CUBN: variants seen among roughly 807,000 people sequenced by gnomAD.
CUBN encodes cubilin, also known as 460 kDa receptor.
In CUBN, 282 loss-of-function variants were observed where a neutral mutation model predicts 405.3. That is an observed-to-expected ratio of 0.70 (90% confidence interval 0.63 to 0.77). The LOEUF (loss-of-function observed/expected upper bound fraction) is 0.77. Among genes scored for constraint, CUBN ranks in the 30% least tolerant of loss-of-function variants. CUBN has a pLI of 0.00. For missense variants in CUBN, 4,514 were observed against 4,475.2 expected, an observed-to-expected ratio of 1.01 and a Z score of -0.25; for synonymous variants, 1,684 against 1,617.0, an observed-to-expected ratio of 1.04 and a Z score of -0.99.
chr10:16,948,228 C>G (rs1443841995), intron 35 of CUBN, among the ~76,000 whole-genome samples: 1 of 152,100 alleles, frequency 6.6e-6, no homozygotes, highest in Non-Finnish European at 1.5e-5. Context: ...AAAAGAACAC[C>G]AAGTCATCTG....
intron 51 of CUBN, 70 bp downstream of exon 51, chr10:16,903,896 G>T: frequency 9.1e-7 from 1 of 1,100,704 alleles, no homozygotes; most frequent in Non-Finnish European, 1.3e-6. Flanking sequence ...AAATATATAT[G>T]AAATCTTTAT....
intron 32 of CUBN, 64 bp downstream of exon 32, chr10:16,954,325 C>T (rs902478494): frequency 5.1e-6 from 8 of 1,573,712 alleles, no homozygotes; most frequent in South Asian, 1.1e-5. Flanking sequence ...TCTCATTTCA[C>T]TGTTGCACCA....
intron 60 of CUBN, among the ~76,000 whole-genome samples, chr10:16,850,574 C>A (rs944551536): frequency 3.3e-5 from 5 of 152,092 alleles, no homozygotes; most frequent in African/African-American, 1.2e-4. Context: ...CGGGTTCAAG[C>A]GATTCTCCTG....
At chr10:16,877,694 T>G (rs77328583) in intron 56 of CUBN, among the ~76,000 whole-genome samples, 2,286 of 152,332 alleles carry the variant, frequency 0.015, 51 homozygotes, top group African/African-American at 0.052. Context: ...ACACTATTAG[T>G]GTTTAAGGAC....
chr10:16,952,261 A>G lies in CUBN; in HGVS notation c.4969+15T>C, dbSNP rs1418853417. On this transcript the variant is annotated intron_variant, in intron 33 of 66. Transcript: ENST00000377833. ...CTCTCCTGTGTGCCTTTTCTTTTTCATTTTTGTTACTTACATGGAGGTTGC... is the reference window on the plus strand; with the variant it reads ...CTCTCCTGTGTGCCTTTTCTTTTTCGTTTTTGTTACTTACATGGAGGTTGC... The G allele has an allele frequency of 1.3e-6, 2 of 1,590,178 alleles. No individual in the cohort carries two copies. Among genetic ancestry groups the G allele is most frequent in the Non-Finnish European group, 8.6e-7 (1 of 1,158,780 alleles).
chr10:16,854,610 T>G (rs1839816322), intron 59 of CUBN, among the ~76,000 whole-genome samples: 1 of 152,198 alleles, frequency 6.6e-6, no homozygotes, highest in African/African-American at 2.4e-5. Flanking sequence ...AAAATGCTGT[T>G]GCTGGGCATT....
At chr10:17,045,846 A>T in intron 24 of CUBN, 88 bp downstream of exon 24, 2 of 1,341,756 alleles carry the variant, frequency 1.5e-6, no homozygotes, top group Non-Finnish European at 2.1e-6. Context: ...GCAAACATGG[A>T]CAAGTGAGGG....
At chr10:17,084,696 A>G (rs761327326) in intron 16 of CUBN, among the ~76,000 whole-genome samples, 4 of 152,230 alleles carry the variant, frequency 2.6e-5, no homozygotes, top group Non-Finnish European at 1.5e-5. Context: ...CTAGCTTCCA[A>G]TCTGCCATTC....
At chr10:17,033,815 G>C (rs1834832505) in intron 27 of CUBN, among the ~76,000 whole-genome samples, 1 of 152,140 alleles carries the variant, frequency 6.6e-6, no homozygotes, top group Non-Finnish European at 1.5e-5. Flanking sequence ...GAATGTATGA[G>C]TTCTCCATAA....
intron 48 of CUBN, among the ~76,000 whole-genome samples, chr10:16,910,920 A>G (rs1195457523): frequency 6.6e-6 from 1 of 152,102 alleles, no homozygotes; most frequent in African/African-American, 2.4e-5. Context: ...GCCTCACCAA[A>G]AGAGGAAATT....
intron 17 of CUBN, among the ~76,000 whole-genome samples, chr10:17,074,421 C>G (rs1418204936): frequency 6.6e-6 from 1 of 152,124 alleles, no homozygotes; most frequent in Non-Finnish European, 1.5e-5. Flanking sequence ...GAAATGTGAG[C>G]GTCACACACA....
chr10:16,857,173 T>C (rs1839890432), intron 59 of CUBN, among the ~76,000 whole-genome samples: 1 of 152,210 alleles, frequency 6.6e-6, no homozygotes, highest in Non-Finnish European at 1.5e-5. Flanking sequence ...AAGAAAAAAG[T>C]TAGTAGTTTT....
chr10:17,111,018 T>C lies in CUBN; in HGVS notation c.916A>G (p.Ile306Val). ...CCGTTATTTATCTCACATTCATTGATATCTTCGCAAATATATCCATTGCCT... is the reference window on the plus strand; with the variant it reads ...CCGTTATTTATCTCACATTCATTGACATCTTCGCAAATATATCCATTGCCT... ...WQGNGYICEDINECEINNGGC... is the reference protein window; with the variant it reads ...WQGNGYICEDVNECEINNGGC... Residue 306 changes from isoleucine (I) to valine (V), a missense_variant, in exon 9 of 67, where the codon ATC becomes GTC. Physicochemically the swap from Ile to Val is conservative, Grantham distance 29. Transcript: ENST00000377833. 1 of 1,614,200 alleles carries C rather than the reference T, an allele frequency of 6.2e-7. No individual in the cohort carries two copies. Among genetic ancestry groups the C allele is most frequent in the Non-Finnish European group, 8.5e-7 (1 of 1,180,026 alleles).
chr10:17,043,228 G>A (rs1231112322), intron 26 of CUBN, among the ~76,000 whole-genome samples: 1 of 152,114 alleles, frequency 6.6e-6, no homozygotes, highest in Non-Finnish European at 1.5e-5. Context: ...TTTGCTCAGT[G>A]TTCCTTTAAT....
At chr10:16,975,884 C>T (rs762109418) in intron 31 of CUBN, among the ~76,000 whole-genome samples, 3 of 151,972 alleles carry the variant, frequency 2.0e-5, no homozygotes, top group Non-Finnish European at 4.4e-5. Flanking sequence ...CTGCCTAGGC[C>T]TCCCAAAGTG....
chr10:17,013,739 T>TA (rs1834251292), intron 28 of CUBN, among the ~76,000 whole-genome samples: 1 of 152,156 alleles, frequency 6.6e-6, no homozygotes, highest in Non-Finnish European at 1.5e-5. Flanking sequence ...AAGGCTCGAG[T>TA]AAGTGCCACT....
At position 17,085,631 on chromosome 10, in the gene CUBN, G is replaced by C. The variant is rs1178574982; in HGVS notation, c.2076C>G (p.Asp692Glu). 2.5e-6 allele frequency: 4 copies of C among 1,614,128 alleles called. No homozygotes were observed. Among genetic ancestry groups the C allele is most frequent in the Non-Finnish European group, 3.4e-6 (4 of 1,180,004 alleles). Residue 692 changes from aspartate to glutamate, a missense_variant, in exon 16 of 67, where the codon GAC becomes GAG. Physicochemically the swap from Asp to Glu is conservative, Grantham distance 45. Coordinates refer to ENST00000377833, the MANE Select transcript of CUBN (RefSeq NM_001081.4). ...TTAAGTAGGTGATATGGAAGCCTTG[G>C]TCACTAATCTGGGAGTCTGAATGGA... ...IHFHSDSQIS[D>E]QGFHITYLTS...
At chr10:16,906,533 C>T in intron 49 of CUBN, 124 bp from the exon 50 acceptor site, 1 of 766,278 alleles carries the variant, frequency 1.3e-6, no homozygotes, top group Non-Finnish European at 2.3e-6. Context: ...TTTCTAGATG[C>T]AGTCAAGCTT....
At chr10:16,868,399 T>C (rs943819021) in intron 59 of CUBN, among the ~76,000 whole-genome samples, 1 of 152,218 alleles carries the variant, frequency 6.6e-6, no homozygotes, top group African/African-American at 2.4e-5. Context: ...ACAGAAAGTT[T>C]GAAAAGTGAA....
Sources: gnomAD v4.1 joint callset for allele counts (sites outside exome capture counted in the v4.1 genomes callset) on GRCh38, gnomAD v4.1.1 for gene constraint, MANE v1.5 for transcripts, NCBI Gene and HGNC (gene_info 2026-07-23, HGNC 2026-07-21) for gene names.